Variants in SLC22A3 observed in about 807,000 individuals in gnomAD.
SLC22A3 encodes the protein EMT organic cation transporter 3.
A neutral mutation model predicts 59.1 loss-of-function variants in SLC22A3; 51 were observed. That is an observed-to-expected ratio of 0.86 (90% CI 0.69 to 1.09). The LOEUF (loss-of-function observed/expected upper bound fraction) is 1.09. Ranked by LOEUF, SLC22A3 falls within the 50% of genes least tolerant of loss-of-function variation. SLC22A3 has a pLI of 0.00. For missense variants in SLC22A3, 711 were observed against 726.3 expected, an observed-to-expected ratio of 0.98 and a Z score of 0.24; for synonymous variants, 325 against 292.0, an observed-to-expected ratio of 1.11 and a Z score of -1.15.
intron 2 of SLC22A3, among the ~76,000 whole-genome samples, chr6:160,406,292 G>T (rs1583484256): frequency 6.6e-6 from 1 of 152,158 alleles, no homozygotes; most frequent in Non-Finnish European, 1.5e-5. Flanking sequence ...TTTATGAAAA[G>T]ATGTAATAGA....
In SLC22A3 at chr6:160,443,674, G is replaced by C. The variant is rs1263196403; in HGVS notation, c.1442G>C (p.Gly481Ala). The change falls in exon 9 of 11, where the codon GGA becomes GCA. Residue 481 changes from glycine (G) to alanine (A), a missense_variant. By Grantham distance (60) the Gly-to-Ala change is moderately conservative. Transcript: ENST00000275300. The stretch of plus-strand genomic sequence containing the variant: ...TGTTCAGGTCTGTGTGATTTTGGGG[G>C]AATCATAGCCCCATTTCTGCTCTTT... The part of the protein sequence containing the change: ...SLCSGLCDFG[G>A]IIAPFLLFRL... 6.2e-7 allele frequency: 1 copy of C among 1,613,906 alleles called. No homozygotes were observed. Among genetic ancestry groups the C allele is most frequent in the Admixed American group, 1.7e-5 (1 of 60,030 alleles).
At chr6:160,434,689 T>G (rs1194167196) in intron 5 of SLC22A3, among the ~76,000 whole-genome samples, 1 of 152,230 alleles carries the variant, frequency 6.6e-6, no homozygotes, top group Non-Finnish European at 1.5e-5. Flanking sequence ...TCTTTCACTT[T>G]TGATATTCCT....
intron 2 of SLC22A3, among the ~76,000 whole-genome samples, chr6:160,405,855 AC>A (rs1345726415): frequency 6.6e-6 from 1 of 152,172 alleles, no homozygotes; most frequent in East Asian, 1.9e-4. Flanking sequence ...TAACTATATG[AC>A]ATTTTGGAAA....
chr6:160,382,800 G>C (rs1320304241), intron 1 of SLC22A3, among the ~76,000 whole-genome samples: 1 of 152,030 alleles, frequency 6.6e-6, no homozygotes, highest in African/African-American at 2.4e-5. Context: ...AGAATTAAAG[G>C]AAAAATTGTC....
rs1389879424 is a variant in SLC22A3 at position 160,348,823 on chromosome 6, A to C, written c.404A>C (p.Gln135Pro). 1 of 1,582,712 alleles carries C rather than the reference A, an allele frequency of 6.3e-7. No individual in the cohort carries two copies. The highest frequency in any genetic ancestry group is 1.7e-5 in the Admixed American group (1 of 58,326). ...TGCCGCGGCGGCTGGCGCTACGCCC[A>C]GGCCCACTCCACCATCGTCAGCGAG... Reference protein sequence around the residue: ...VPCRGGWRYAQAHSTIVSEFD... With the variant: ...VPCRGGWRYAPAHSTIVSEFD... Residue 135 changes from glutamine to proline, a missense_variant, in exon 1 of 11, where the codon CAG (glutamine) becomes CCG (proline). Gln to Pro is a moderately conservative substitution (Grantham distance 76). Coordinates refer to ENST00000275300, the MANE Select transcript of SLC22A3 (RefSeq NM_021977.4).
intron 7 of SLC22A3, among the ~76,000 whole-genome samples, chr6:160,437,452 C>G (rs1489488239): frequency 1.3e-5 from 2 of 152,208 alleles, no homozygotes; most frequent in African/African-American, 4.8e-5. Flanking sequence ...TGTGCCCAAT[C>G]TAGCTGATAG....
intron 9 of SLC22A3, among the ~76,000 whole-genome samples, chr6:160,447,243 G>A (rs1207123650): frequency 6.6e-6 from 1 of 152,186 alleles, no homozygotes; most frequent in Non-Finnish European, 1.5e-5. Context: ...TCCCTACAGT[G>A]AGGAGCCCAA....
chr6:160,352,306 A>G (rs1428771349), intron 1 of SLC22A3, among the ~76,000 whole-genome samples: 1 of 152,260 alleles, frequency 6.6e-6, no homozygotes, highest in East Asian at 1.9e-4. Context: ...CAGTGGATTT[A>G]TCACCCACAT....
rs1166917933 is a variant in SLC22A3, at chr6:160,392,719, A to G, written c.430-5260A>G. On this transcript the variant is annotated intron_variant, in intron 1 of 10. Transcript: ENST00000275300. ...AATGACATCCTTTTTCCTCATGGAA[A>G]CCCAAACCAAATTATTATTTATGAT... is the stretch of plus-strand genomic sequence containing the variant. Among the ~76,000 whole-genome samples the G allele has an allele frequency of 2.0e-5, 3 of 152,058 alleles. 1 individual carries two copies. Among genetic ancestry groups the G allele is most frequent in the Non-Finnish European group, 4.4e-5 (3 of 68,008 alleles).
chr6:160,360,870 C>G (rs1483929819), intron 1 of SLC22A3, among the ~76,000 whole-genome samples: 2 of 151,930 alleles, frequency 1.3e-5, no homozygotes, highest in African/African-American at 4.8e-5. Flanking sequence ...TATGTGTCAT[C>G]AGTTAGAAGA....
intron 1 of SLC22A3, among the ~76,000 whole-genome samples, chr6:160,371,103 A>G (rs1785382861): frequency 6.6e-6 from 1 of 152,182 alleles, no homozygotes; most frequent in Non-Finnish European, 1.5e-5. Context: ...GGAAGCTTCT[A>G]GCAAACCAAA....
chr6:160,354,209 T>C (rs1784754767), intron 1 of SLC22A3, among the ~76,000 whole-genome samples: 1 of 152,212 alleles, frequency 6.6e-6, no homozygotes, highest in Non-Finnish European at 1.5e-5. Flanking sequence ...CACATGTCCT[T>C]TGGTGTCAGA....
rs559847196 is a variant in SLC22A3 at position 160,437,325 on chromosome 6, T to G, written c.1288+114T>G. On this transcript the variant is annotated intron_variant, in intron 7 of 10. Transcript: ENST00000275300. ...AAATGTGCAATGGAATCACAGTCTT[T>G]CGTGATGTCACTCCATTTTCTGCTT... The G allele has an allele frequency of 2.0e-5, 21 of 1,057,062 alleles. No individual in the cohort carries two copies. The South Asian group carries it at 2.6e-4, about 13-fold the overall frequency. The allele number at this position is 1,057,062 out of a possible 1,614,324, so 65.5% of individuals were successfully genotyped here.
chr6:160,390,123 G>A (rs970579104), intron 1 of SLC22A3, among the ~76,000 whole-genome samples: 10 of 152,156 alleles, frequency 6.6e-5, no homozygotes, highest in Non-Finnish European at 1.2e-4. Flanking sequence ...AAATGGGGAG[G>A]CATGAATTTA....
chr6:160,396,104 A>G (rs2114828575), intron 1 of SLC22A3, among the ~76,000 whole-genome samples: 1 of 152,334 alleles, frequency 6.6e-6, no homozygotes, highest in African/African-American at 2.4e-5. Flanking sequence ...GTCTAAGAAT[A>G]TGTCCCTTTT....
rs747153998 is a variant in SLC22A3 at position 160,408,741 on chromosome 6, G to A, written c.689-12G>A. ...TGTGCTTCTGTGACCTCTTGTGTTT[G>A]TTTTCCTTTAGTGACAGAAATAGTA... On this transcript the variant is annotated splice_polypyrimidine_tract_variant and intron_variant, in intron 3 of 10. Coordinates refer to ENST00000275300, the MANE Select transcript of SLC22A3 (RefSeq NM_021977.4). 1.2e-6 allele frequency: 2 copies of A among 1,613,260 alleles called. No homozygotes were observed. Among genetic ancestry groups the A allele is most frequent in the Non-Finnish European group, 1.7e-6 (2 of 1,179,482 alleles).
chr6:160,447,935 C>CTCAT, intron 10 of SLC22A3, 117 bp downstream of exon 10: 1 of 853,914 alleles, frequency 1.2e-6, no homozygotes, highest in East Asian at 2.6e-5. Flanking sequence ...AAATCCTCAT[C>CTCAT]TCATATTGTA....
chr6:160,425,967 G>C, intron 5 of SLC22A3: 1 of 985,422 alleles, frequency 1.0e-6, no homozygotes. Context: ...TGATACGTAA[G>C]AGAATCTCAT....
intron 1 of SLC22A3, among the ~76,000 whole-genome samples, chr6:160,392,508 C>T (rs763475602): frequency 3.3e-5 from 5 of 152,206 alleles, no homozygotes; most frequent in Non-Finnish European, 5.9e-5. Context: ...GTGTATATGC[C>T]TGGTATTCCT....
Sources: gnomAD v4.1 joint callset for allele counts (sites outside exome capture counted in the v4.1 genomes callset) on GRCh38, gnomAD v4.1.1 for gene constraint, MANE v1.5 for transcripts, NCBI Gene and HGNC (gene_info 2026-07-23, HGNC 2026-07-21) for gene names.